Variants in LRRFIP2 observed in about 807,000 individuals in gnomAD.
LRRFIP2 encodes LRR binding FLII interacting protein 2.
A neutral mutation model predicts 125.9 loss-of-function variants in LRRFIP2; 109 were observed. The observed-to-expected ratio is 0.87, with a 90% CI of 0.74 to 1.01. LRRFIP2 has a LOEUF of 1.01. Ranked by LOEUF, LRRFIP2 falls within the 50% of genes least tolerant of loss-of-function variation. LRRFIP2 has a pLI of 0.00. For missense variants in LRRFIP2, 850 were observed against 862.3 expected (o/e 0.99, Z 0.18); for synonymous variants, 291 against 293.1 (o/e 0.99, Z 0.07).
chr3:37,095,200 G>T (rs114887616), intron 16 of LRRFIP2, among the ~76,000 whole-genome samples: 62 of 152,290 alleles, frequency 4.1e-4, no homozygotes, highest in African/African-American at 1.4e-3. Context: ...GTTTATCTTT[G>T]CTATCCTGTA....
intron 4 of LRRFIP2, among the ~76,000 whole-genome samples, chr3:37,125,324 C>T (rs1475142388): frequency 2.0e-5 from 3 of 152,138 alleles, no homozygotes; most frequent in African/African-American, 7.2e-5. Context: ...TTCAGAATCA[C>T]CACTGATTAA....
chr3:37,068,883 G>C (rs888810332), intron 21 of LRRFIP2: 11 of 152,126 alleles, frequency 7.2e-5, no homozygotes, highest in African/African-American at 2.7e-4. Context: ...TCTATACATG[G>C]GCTCCTGGTG....
chr3:37,093,347 C>G (rs2093564945), intron 17 of LRRFIP2: 1 of 152,600 alleles, frequency 6.6e-6, no homozygotes, highest in Non-Finnish European at 1.5e-5. Context: ...CTCACCCACG[C>G]AGGTATTTTG....
chr3:37,134,921 T>C, intron 2 of LRRFIP2: 4 of 1,372,788 alleles, frequency 2.9e-6, no homozygotes, highest in Non-Finnish European at 4.1e-6. Context: ...GTCTCGATAT[T>C]CTAAGATCAC....
Position 37,108,090 on chromosome 3 carries a change from C to A in LRRFIP2, c.697G>T (p.Ala233Ser), listed in dbSNP as rs758412191. 6 of 1,613,822 alleles carry A rather than the reference C, an allele frequency of 3.7e-6. No homozygotes were observed. Among genetic ancestry groups the A allele is most frequent in the Non-Finnish European group, 5.1e-6 (6 of 1,179,888 alleles). The change falls in exon 13 of 28, where the codon GCC becomes TCC. Residue 233 changes from alanine (A) to serine (S), a missense_variant. Ala to Ser is a moderately conservative substitution (Grantham distance 99). Transcript: ENST00000336686. ...CSYYSSRISS[A>S]RSSPGFTNDD... ...CAGCTCACCCCTGGACTGCTTCGGGCTGAACTTATTCTTGATGAATAATAA... is the reference window on the plus strand; with the variant it reads ...CAGCTCACCCCTGGACTGCTTCGGGATGAACTTATTCTTGATGAATAATAA...
Position 37,065,858 on chromosome 3 carries a change from A to T in LRRFIP2, c.1651T>A (p.Ser551Thr), listed in dbSNP as rs2090022878. 2 of 1,614,182 alleles carry T rather than the reference A, an allele frequency of 1.2e-6. No homozygotes were observed. The highest frequency in any genetic ancestry group is 3.3e-5 in the Admixed American group (2 of 60,030). ...EPVAGAITVV[S>T]QEAAQVLESA... Reference sequence around the variant, plus strand: ...TCCAAGACCTGAGCAGCTTCCTGAGACACAACAGTGATGGCTCCAGCCACT... The same window carrying T: ...TCCAAGACCTGAGCAGCTTCCTGAGTCACAACAGTGATGGCTCCAGCCACT... The change falls in exon 23 of 28, where the codon TCT (serine) becomes ACT (threonine). Residue 551 changes from serine to threonine, a missense_variant. Coordinates refer to ENST00000336686, the MANE Select transcript of LRRFIP2 (RefSeq NM_006309.4).
chr3:37,070,114 C>CTT (rs528717261), intron 21 of LRRFIP2, among the ~76,000 whole-genome samples: 1,924 of 136,936 alleles, frequency 0.014, 83 homozygotes, highest in Admixed American at 0.086. Context: ...TAAATTTCCT[C>CTT]TTTTTTTTTT....
intron 1 of LRRFIP2, among the ~76,000 whole-genome samples, chr3:37,169,987 A>G (rs1182620648): frequency 6.6e-6 from 1 of 152,136 alleles, no homozygotes; most frequent in African/African-American, 2.4e-5. Flanking sequence ...GAAGGCAGAG[A>G]CAGAGAAGGG....
At chr3:37,150,842 T>C (rs2096003108) in intron 1 of LRRFIP2, among the ~76,000 whole-genome samples, 1 of 152,194 alleles carries the variant, frequency 6.6e-6, no homozygotes, top group Admixed American at 6.5e-5. Context: ...GTGACTTTAA[T>C]GTACTGGAAT....
intron 21 of LRRFIP2, 46 bp from the exon 22 acceptor site, chr3:37,066,371 A>G: frequency 7.0e-7 from 1 of 1,433,474 alleles, no homozygotes; most frequent in Non-Finnish European, 9.8e-7. Context: ...ACAGAAAAAG[A>G]GCAGGTGAAA....
chr3:37,146,940 G>A (rs1222887574), intron 2 of LRRFIP2, among the ~76,000 whole-genome samples: 1 of 152,030 alleles, frequency 6.6e-6, no homozygotes, highest in Non-Finnish European at 1.5e-5. Context: ...GCTACAAAAT[G>A]GGAGAAAATT....
At chr3:37,166,895 G>A (rs1407187227) in intron 1 of LRRFIP2, among the ~76,000 whole-genome samples, 1 of 152,256 alleles carries the variant, frequency 6.6e-6, no homozygotes, top group South Asian at 2.1e-4. Flanking sequence ...GCGCATGCCT[G>A]TAATCCCAGC....
At position 37,121,645 on chromosome 3, in the gene LRRFIP2, C is replaced by T. The variant is rs765165432; in HGVS notation, c.275G>A (p.Arg92His). The T allele has an allele frequency of 2.5e-6, 4 of 1,614,002 alleles. No individual in the cohort carries two copies. Among genetic ancestry groups the T allele is most frequent in the African/African-American group, 2.7e-5 (2 of 74,892 alleles). Residue 92 changes from arginine to histidine, a missense_variant, in exon 5 of 28, where the codon CGT (arginine) becomes CAT (histidine). By Grantham distance (29) the Arg-to-His change is conservative (BLOSUM62 0). Transcript: ENST00000336686. ...ARYSHRSSHH[R>H]PYLGVEDALS... ...TAGGTTATTACAAACCAGATAAGGACGATGGTGACTGGACCGGTGGGAATA... is the reference window on the plus strand; with the variant it reads ...TAGGTTATTACAAACCAGATAAGGATGATGGTGACTGGACCGGTGGGAATA...
At chr3:37,128,657 A>G (rs1376479651) in intron 3 of LRRFIP2, among the ~76,000 whole-genome samples, 1 of 152,160 alleles carries the variant, frequency 6.6e-6, no homozygotes, top group Admixed American at 6.5e-5. Flanking sequence ...ATATTCTTAC[A>G]TATTTTCCTC....
chr3:37,054,658 G>T, intron 26 of LRRFIP2, 143 bp from the exon 27 acceptor site: 1 of 617,280 alleles, frequency 1.6e-6, no homozygotes, highest in Non-Finnish European at 2.9e-6. Flanking sequence ...AGTCCTCTCA[G>T]AACTCAGTTG....
chr3:37,078,703 TAGCA>T (rs2148976914), intron 19 of LRRFIP2, among the ~76,000 whole-genome samples: 1 of 152,288 alleles, frequency 6.6e-6, no homozygotes, highest in East Asian at 1.9e-4. Flanking sequence ...TGAGCATCTC[TAGCA>T]CTCATACTAA....
At chr3:37,057,054 G>A (rs1484694723) in intron 25 of LRRFIP2, among the ~76,000 whole-genome samples, 1 of 152,064 alleles carries the variant, frequency 6.6e-6, no homozygotes, top group Non-Finnish European at 1.5e-5. Flanking sequence ...CTCCACTCCT[G>A]GCCTTCTGGT....
chr3:37,172,193 A>C (rs1216154768), intron 1 of LRRFIP2, among the ~76,000 whole-genome samples: 1 of 152,230 alleles, frequency 6.6e-6, no homozygotes, highest in Non-Finnish European at 1.5e-5. Flanking sequence ...CTGTATAGAT[A>C]CTAACTAATG....
At chr3:37,152,319 T>C (rs1577616166) in intron 1 of LRRFIP2, among the ~76,000 whole-genome samples, 1 of 151,972 alleles carries the variant, frequency 6.6e-6, no homozygotes, top group South Asian at 2.1e-4. Flanking sequence ...GGGTAAGGAG[T>C]AAAATACTAC....
Sources: gnomAD v4.1 joint callset for allele counts (sites outside exome capture counted in the v4.1 genomes callset) on GRCh38, gnomAD v4.1.1 for gene constraint, MANE v1.5 for transcripts, NCBI Gene and HGNC (gene_info 2026-07-23, HGNC 2026-07-21) for gene names.